TERT: variants seen among roughly 807,000 people sequenced by gnomAD.
TERT encodes the protein telomerase reverse transcriptase, also known as telomerase catalytic subunit.
TERT carries 42 observed loss-of-function variants against 104.0 expected under a neutral mutation model. The ratio of observed to expected loss-of-function variants is 0.40; its 90% CI spans 0.32 to 0.52. The LOEUF (loss-of-function observed/expected upper bound fraction) is 0.52, where lower values mean the gene tolerates loss of function less well. TERT is among the 20% of genes least tolerant of loss of function. The probability of loss-of-function intolerance (pLI) is 0.43; values close to 1 mark genes in which losing one functional copy is unlikely to be tolerated. For synonymous variants in TERT, 781 were observed against 725.6 expected (o/e 1.08, Z -1.23); for missense variants, 1,101 against 1,610.3 (o/e 0.68, Z 5.41).
At position 1,256,537 on chromosome 5, in the gene TERT, C is replaced by T. The variant is rs34240934; in HGVS notation, c.3033-1126G>A. On this transcript the variant is annotated intron_variant, in intron 13 of 15. Transcript: ENST00000310581. The surrounding 1 kb of genome is among the most constrained non-coding windows in gnomAD (Gnocchi z 7.0). The stretch of plus-strand genomic sequence containing the variant: ...GGCCTCACCCACTGCCTGAGCCCCC[C>T]GTGTACCTCATCTCACCCACTGCCT... Among the ~76,000 whole-genome samples, 1,286 of 149,750 alleles carry T rather than the reference C, an allele frequency of 8.6e-3. 18 individuals are homozygous for T. Among genetic ancestry groups the T allele is most frequent in the African/African-American group, 0.03 (1,214 of 40,532 alleles).
In TERT at chr5:1,255,816, C is replaced by A. The variant is rs993012336; in HGVS notation, c.3033-405G>T. The stretch of plus-strand genomic sequence containing the variant: ...ATGAATCCTGCCCTTCGTCAGACAA[C>A]CTTGATGTCATCGTATATCAACGTC... On this transcript the variant is annotated intron_variant, in intron 13 of 15. Transcript: ENST00000310581. This position sits in a 1 kb window ranked among gnomAD's most constrained non-coding sequence, Gnocchi z 6.9. Among the ~76,000 whole-genome samples the A allele has an allele frequency of 1.3e-5, 2 of 152,092 alleles. No individual in the cohort carries two copies. The highest frequency in any genetic ancestry group is 2.9e-5 in the Non-Finnish European group (2 of 68,016).
At chr5:1,278,288 C>G (rs1254025489) in intron 6 of TERT, among the ~76,000 whole-genome samples, 1 of 152,164 alleles carries the variant, frequency 6.6e-6, no homozygotes, top group African/African-American at 2.4e-5. Flanking sequence ...CACACACACC[C>G]ATGCCATAGA....
At position 1,264,547 on chromosome 5, in the gene TERT, C is replaced by A; in HGVS notation, c.2700G>T (p.Leu900Phe). 6.2e-7 allele frequency: 1 copy of A among 1,614,026 alleles called. No homozygotes were observed. The highest frequency in any genetic ancestry group is 2.2e-5 in the East Asian group (1 of 44,886). Residue 900 changes from leucine to phenylalanine, a missense_variant, in exon 11 of 16, where the codon TTG becomes TTT. By Grantham distance (22) the Leu-to-Phe change is conservative. Transcript: ENST00000310581. The stretch of plus-strand genomic sequence containing the variant: ...CAGGGAAGTTCACCACTGTCTTCCG[C>A]AAGTTCACCACGCAGCCATACTCAG... Reference protein sequence around the residue: ...GVPEYGCVVNLRKTVVNFPVE... With the variant: ...GVPEYGCVVNFRKTVVNFPVE...
intron 12 of TERT, 78 bp downstream of exon 12, chr5:1,260,394 ACG>A (rs369573143): frequency 1.2e-5 from 19 of 1,594,334 alleles, no homozygotes; most frequent in Admixed American, 3.3e-5. Context: ...CCTTGCAGGC[ACG>A]CGCGCACACA....
At position 1,253,670 on chromosome 5, in the gene TERT, G is replaced by C. The variant is rs900746084; in HGVS notation, c.*58C>G. The C allele has an allele frequency of 4.1e-6, 6 of 1,471,974 alleles. No individual in the cohort carries two copies. Among genetic ancestry groups the C allele is most frequent in the Non-Finnish European group, 5.6e-6 (6 of 1,067,564 alleles). The allele number at this position is 1,471,974 out of a possible 1,614,324, so 91.2% of individuals were successfully genotyped here. A position where few individuals can be genotyped will look rare whatever the true frequency, so the allele number is the denominator to read the frequency against. On this transcript the variant is annotated 3_prime_UTR_variant, in exon 16 of 16. Coordinates refer to ENST00000310581, the MANE Select transcript of TERT (RefSeq NM_198253.3). ...CGCCCCTCCCTCCCTGGGACGTAGA[G>C]CCCGGCGTGACAGGGCTGCTGGTGT...
chr5:1,293,255 G>A (rs1751103746), intron 2 of TERT, 58 bp downstream of exon 2: 1 of 1,600,162 alleles, frequency 6.2e-7, no homozygotes, highest in Non-Finnish European at 8.5e-7. Context: ...CCCCTTTTCT[G>A]AGCCCCTACT....
intron 14 of TERT, among the ~76,000 whole-genome samples, chr5:1,254,897 C>T (rs924802010): frequency 6.6e-6 from 1 of 152,088 alleles, no homozygotes; most frequent in Non-Finnish European, 1.5e-5. Flanking sequence ...CTGGGCCTGG[C>T]CTCCTCCTAA....
At chr5:1,293,026 G>C (rs1242205602) in intron 2 of TERT, among the ~76,000 whole-genome samples, 1 of 152,328 alleles carries the variant, frequency 6.6e-6, no homozygotes, top group South Asian at 2.1e-4. Context: ...CCGGCAACCC[G>C]GCTCCACTGC....
Position 1,270,096 on chromosome 5 carries a change from T to A in TERT, c.2468+1023A>T, listed in dbSNP as rs1438985808. Among the ~76,000 whole-genome samples, 1 of 152,158 alleles carries A rather than the reference T, an allele frequency of 6.6e-6. No homozygotes were observed. The highest frequency in any genetic ancestry group is 2.4e-5 in the African/African-American group (1 of 41,434). On this transcript the variant is annotated intron_variant, in intron 8 of 15. Transcript: ENST00000310581. This position sits in a 1 kb window ranked among gnomAD's most constrained non-coding sequence, Gnocchi z 8.3. The stretch of plus-strand genomic sequence containing the variant: ...CGAATTCTGTGGGCCTGGGGGCCGC[T>A]TACACACATGTGCACACGTGTCCCT...
At chr5:1,285,898 C>T (rs890380074) in intron 2 of TERT, among the ~76,000 whole-genome samples, 7 of 151,944 alleles carry the variant, frequency 4.6e-5, no homozygotes, top group African/African-American at 1.7e-4. Flanking sequence ...ACATGGCTCA[C>T]GTCATGCTCC....
Position 1,265,137 on chromosome 5 carries a change from C to T in TERT, c.2655-545G>A, listed in dbSNP as rs910564582. ...TGGGCAACACCAGTCGTCAGCTTCA[C>T]GTCAAGGAGGTTCCCTCGCCGAGTC... is the stretch of plus-strand genomic sequence containing the variant. On this transcript the variant is annotated intron_variant, in intron 10 of 15. Transcript: ENST00000310581. The surrounding 1 kb of genome is among the most constrained non-coding windows in gnomAD (Gnocchi z 6.9). Among the ~76,000 whole-genome samples the T allele has an allele frequency of 2.0e-5, 3 of 152,226 alleles. No homozygotes were observed. The highest frequency in any genetic ancestry group is 6.5e-5 in the Admixed American group (1 of 15,284).
chr5:1,271,251 G>A (rs1367210172), intron 7 of TERT, 47 bp from the exon 8 acceptor site: 7 of 1,433,238 alleles, frequency 4.9e-6, no homozygotes, highest in South Asian at 1.2e-5. Context: ...GGTGGGTGCT[G>A]AGACAGGCAG....
rs555372519 is a variant in TERT at position 1,286,361 on chromosome 5, C to T, written c.1574-3737G>A. On this transcript the variant is annotated intron_variant, in intron 2 of 15. Coordinates refer to ENST00000310581, the MANE Select transcript of TERT (RefSeq NM_198253.3). This position sits in a 1 kb window ranked among gnomAD's most constrained non-coding sequence, Gnocchi z 5.3. Reference sequence around the variant, plus strand: ...CGGCGGGCCTGAGACAGAAGACAGACGGGGAACAAAGGAGGAAAAGCAGGG... The same window carrying T: ...CGGCGGGCCTGAGACAGAAGACAGATGGGGAACAAAGGAGGAAAAGCAGGG... 1.4e-3 allele frequency among the ~76,000 whole-genome samples: 210 copies of T among 152,150 alleles called. No homozygotes were observed. Among genetic ancestry groups the T allele is most frequent in the African/African-American group, 4.8e-3 (200 of 41,500 alleles).
At chr5:1,258,167 G>A (rs1004531530) in intron 13 of TERT, among the ~76,000 whole-genome samples, 1 of 152,214 alleles carries the variant, frequency 6.6e-6, no homozygotes, top group Non-Finnish European at 1.5e-5. Flanking sequence ...TCCCGGGGGT[G>A]GGGCCAGCGA....
Position 1,293,683 on chromosome 5 carries a change from C to T in TERT, c.1203G>A (p.Ala401=). The T allele has an allele frequency of 1.3e-6, 2 of 1,572,402 alleles. No individual in the cohort carries two copies. The highest frequency in any genetic ancestry group is 1.7e-6 in the Non-Finnish European group (2 of 1,159,578). The change falls in exon 2 of 16, where the codon GCG becomes GCA. Residue 401 remains alanine, a synonymous_variant. Transcript: ENST00000310581. The part of the protein sequence containing the change: ...PLFLELLGNH[A]QCPYGVLLKT... ...TGAGGAGCACCCCGTAGGGGCACTG[C>T]GCGTGGTTCCCAAGCAGCTCCAGAA...
At chr5:1,271,858 C>T (rs1749059911) in intron 7 of TERT, among the ~76,000 whole-genome samples, 1 of 152,196 alleles carries the variant, frequency 6.6e-6, no homozygotes, top group African/African-American at 2.4e-5. Context: ...GCCTGCCCTC[C>T]TAAAGGAGGG....
intron 9 of TERT, among the ~76,000 whole-genome samples, chr5:1,267,434 C>T (rs1748688014): frequency 6.6e-6 from 1 of 152,212 alleles, no homozygotes; most frequent in East Asian, 1.9e-4. Flanking sequence ...GGTGATTCCT[C>T]AAGGATCTAG....
At position 1,268,606 on chromosome 5, in the gene TERT, C is replaced by A. The variant is rs763470933; in HGVS notation, c.2496G>T (p.Pro832=). The part of the protein sequence containing the change: ...GKSYVQCQGI[P]QGSILSTLLC... ...GCAGCGTGGAGAGGATGGAGCCCTGCGGGATCCCCTGGCACTGGACGTAGG... is the reference window on the plus strand; with the variant it reads ...GCAGCGTGGAGAGGATGGAGCCCTGAGGGATCCCCTGGCACTGGACGTAGG... Residue 832 remains proline (P), a synonymous_variant, in exon 9 of 16, where the codon CCG becomes CCT. Coordinates refer to ENST00000310581, the MANE Select transcript of TERT (RefSeq NM_198253.3). This position sits in a 1 kb window ranked among gnomAD's most constrained non-coding sequence, Gnocchi z 5.5. The A allele has an allele frequency of 3.1e-6, 5 of 1,612,926 alleles. No individual in the cohort carries two copies. The highest frequency in any genetic ancestry group is 1.1e-5 in the South Asian group (1 of 91,084).
chr5:1,293,429 C>T lies in TERT; in HGVS notation c.1457G>A (p.Arg486His), dbSNP rs1179486322. 6.2e-7 allele frequency: 1 copy of T among 1,612,606 alleles called. No homozygotes were observed. The highest frequency in any genetic ancestry group is 8.5e-7 in the Non-Finnish European group (1 of 1,179,798). ...GAACTTCTTGGTGTTCCTGAGGAAG[C>T]GGCGTTCGTTGTGCCTGGAGCCCCA... Reference protein sequence around the residue: ...GLWGSRHNERRFLRNTKKFIS... With the variant: ...GLWGSRHNERHFLRNTKKFIS... The change falls in exon 2 of 16, where the codon CGC becomes CAC. Residue 486 changes from arginine to histidine, a missense_variant. Transcript: ENST00000310581.
Sources: gnomAD v4.1 joint callset for allele counts (sites outside exome capture counted in the v4.1 genomes callset) on GRCh38, gnomAD v4.1.1 for gene constraint, Gnocchi (gnomAD v3.1) non-coding constraint, MANE v1.5 for transcripts, NCBI Gene and HGNC (gene_info 2026-07-23, HGNC 2026-07-21) for gene names.